The following ESRRB variants were observed in gnomAD, a reference collection of about 807,000 sequenced individuals.
The protein encoded by ESRRB is steroid hormone receptor ERR2.
ESRRB carries 16 observed loss-of-function variants against 46.0 expected under a neutral mutation model. The ratio of observed to expected loss-of-function variants is 0.35; its 90% CI spans 0.24 to 0.53. The LOEUF is 0.53. ESRRB is among the 20% of genes least tolerant of loss of function. The pLI is 0.93. For missense variants in ESRRB, 488 were observed against 607.4 expected (o/e 0.80, Z 2.07); for synonymous variants, 246 against 259.6 (o/e 0.95, Z 0.50).
At chr14:76,443,412 G>T (rs1402879008) in intron 2 of ESRRB, among the ~76,000 whole-genome samples, 2 of 152,150 alleles carry the variant, frequency 1.3e-5, no homozygotes, top group Non-Finnish European at 2.9e-5. Flanking sequence ...TATTTGAAAA[G>T]CACTGCATGG....
chr14:76,354,698 G>A (rs931228294), intron 1 of ESRRB, among the ~76,000 whole-genome samples: 1 of 139,276 alleles, frequency 7.2e-6, no homozygotes, highest in Non-Finnish European at 1.5e-5. Context: ...GTGTAGGTAG[G>A]TCCTGGGCTT....
intron 1 of ESRRB, among the ~76,000 whole-genome samples, chr14:76,394,692 C>T (rs1043478508): frequency 6.6e-6 from 1 of 152,200 alleles, no homozygotes; most frequent in Non-Finnish European, 1.5e-5. Context: ...CTTGTGGATG[C>T]AAATTGTTTG....
At chr14:76,487,258 C>T (rs930473913) in intron 5 of ESRRB, among the ~76,000 whole-genome samples, 1 of 152,186 alleles carries the variant, frequency 6.6e-6, no homozygotes, top group African/African-American at 2.4e-5. Flanking sequence ...TGAACAACCC[C>T]ATGAGGTGAG....
chr14:76,325,238 G>A (rs1269989042), intron 1 of ESRRB, among the ~76,000 whole-genome samples: 2 of 152,160 alleles, frequency 1.3e-5, no homozygotes, highest in African/African-American at 2.4e-5. Context: ...TTACAGGCGT[G>A]AGCCACTGCA....
intron 3 of ESRRB, among the ~76,000 whole-genome samples, chr14:76,479,558 T>C (rs1889724527): frequency 6.6e-6 from 1 of 151,560 alleles, no homozygotes; most frequent in African/African-American, 2.4e-5. Flanking sequence ...GTTCAAAGAG[T>C]ACATTTAGAA....
rs1235318053 is a variant in ESRRB at position 76,420,129 on chromosome 14, G to A, written c.51-19212G>A. On this transcript the variant is annotated intron_variant, in intron 1 of 6. Transcript: ENST00000644823. ...TTCATTTTTAACCCTTGAGTTACCT[G>A]TGAAACCAGCATGAGCAAATGAGCA... 2.6e-5 allele frequency among the ~76,000 whole-genome samples: 4 copies of A among 152,130 alleles called. No homozygotes were observed. In the East Asian group the frequency reaches 7.7e-4, roughly 29 times the overall value.
intron 3 of ESRRB, among the ~76,000 whole-genome samples, chr14:76,476,955 G>A (rs998251975): frequency 6.6e-6 from 1 of 152,194 alleles, no homozygotes; most frequent in Non-Finnish European, 1.5e-5. Flanking sequence ...CCATTGCCGT[G>A]GTGGCACGCA....
intron 1 of ESRRB, among the ~76,000 whole-genome samples, chr14:76,320,702 G>A (rs1234286466): frequency 6.6e-6 from 1 of 152,210 alleles, no homozygotes; most frequent in Non-Finnish European, 1.5e-5. Flanking sequence ...GGTGCTTAGC[G>A]GTTTTGGTTT....
chr14:76,384,659 G>A (rs139573371), intron 1 of ESRRB, among the ~76,000 whole-genome samples: 6 of 152,248 alleles, frequency 3.9e-5, no homozygotes, highest in South Asian at 2.1e-4. Flanking sequence ...TCTATGCCCC[G>A]TGCCATGCTC....
chr14:76,413,507 G>T (rs1886529048), intron 1 of ESRRB, among the ~76,000 whole-genome samples: 1 of 152,080 alleles, frequency 6.6e-6, no homozygotes, highest in Non-Finnish European at 1.5e-5. Context: ...CAAGACGTAG[G>T]CTAAACTTCT....
intron 1 of ESRRB, among the ~76,000 whole-genome samples, chr14:76,422,506 C>T (rs1035528475): frequency 6.6e-5 from 10 of 152,116 alleles, no homozygotes; most frequent in African/African-American, 9.7e-5. Flanking sequence ...CCACCACACC[C>T]GGCCGACATT....
chr14:76,498,977 G>T lies in ESRRB; in HGVS notation c.*519G>T, dbSNP rs115169766. On this transcript the variant is annotated 3_prime_UTR_variant, in exon 7 of 7. Transcript: ENST00000644823. The stretch of plus-strand genomic sequence containing the variant: ...ACCTGCTCTGAGATCCTCTGGGGCC[G>T]GTCAAGAGGCCCCATACCTTCCACA... 3 of 411,070 alleles carry T rather than the reference G, an allele frequency of 7.3e-6. No individual in the cohort carries two copies. Among genetic ancestry groups the T allele is most frequent in the Non-Finnish European group, 1.5e-5 (3 of 196,922 alleles). The allele number at this position is 411,070 out of a possible 1,614,324, so 25.5% of individuals were successfully genotyped here. A position where few individuals can be genotyped will look rare whatever the true frequency, so the allele number is the denominator to read the frequency against.
intron 3 of ESRRB, among the ~76,000 whole-genome samples, chr14:76,479,333 GA>G (rs1243139141): frequency 2.6e-5 from 4 of 152,204 alleles, no homozygotes; most frequent in African/African-American, 7.2e-5. Flanking sequence ...AGGCAGGCAA[GA>G]AGCGCCAAAG....
At chr14:76,358,323 A>AAAAAAAAG (rs1884410928) in intron 1 of ESRRB, among the ~76,000 whole-genome samples, 2 of 53,102 alleles carry the variant, frequency 3.8e-5, no homozygotes, top group Non-Finnish European at 7.4e-5. Context: ...AAAAAAAAAA[A>AAAAAAAAG]AAAGAAAGAA....
chr14:76,450,749 G>C (rs1033374017), intron 2 of ESRRB, among the ~76,000 whole-genome samples: 1 of 152,126 alleles, frequency 6.6e-6, no homozygotes, highest in Non-Finnish European at 1.5e-5. Flanking sequence ...ATCCCGGGAG[G>C]CACAAGACAG....
Position 76,498,629 on chromosome 14 carries a change from G to A in ESRRB, c.*171G>A, listed in dbSNP as rs1376538020. The A allele has an allele frequency of 1.4e-6, 2 of 1,381,424 alleles. No individual in the cohort carries two copies. Among genetic ancestry groups the A allele is most frequent in the Non-Finnish European group, 1.9e-6 (2 of 1,032,792 alleles). The allele number at this position is 1,381,424 out of a possible 1,614,324, so 85.6% of individuals were successfully genotyped here. A position where few individuals can be genotyped will look rare whatever the true frequency, so the allele number is the denominator to read the frequency against. On this transcript the variant is annotated 3_prime_UTR_variant, in exon 7 of 7. Coordinates refer to ENST00000644823, the MANE Select transcript of ESRRB (RefSeq NM_001379180.1). The stretch of plus-strand genomic sequence containing the variant: ...CTGTGTGCAGACTCCCGGGTGCAGT[G>A]GGGTGGGGGACGGGGATGGGGGGGC...
intron 3 of ESRRB, among the ~76,000 whole-genome samples, chr14:76,466,199 G>A (rs73320319): frequency 0.018 from 2,809 of 152,156 alleles, 62 homozygotes; most frequent in African/African-American, 0.057. Flanking sequence ...GGGTCCAGGG[G>A]CTTGGGGAGG....
chr14:76,455,719 G>C (rs1024261443), intron 2 of ESRRB, among the ~76,000 whole-genome samples: 1 of 152,122 alleles, frequency 6.6e-6, no homozygotes, highest in Admixed American at 6.6e-5. Context: ...TTAGATTCAT[G>C]TCTTGGCTTG....
At chr14:76,405,582 C>A (rs1723881791) in intron 1 of ESRRB, among the ~76,000 whole-genome samples, 1 of 152,022 alleles carries the variant, frequency 6.6e-6, no homozygotes, top group South Asian at 2.1e-4. Flanking sequence ...GTTGGTGAGA[C>A]CTCAGGAAAA....
Sources: gnomAD v4.1 joint callset for allele counts (sites outside exome capture counted in the v4.1 genomes callset) on GRCh38, gnomAD v4.1.1 for gene constraint, MANE v1.5 for transcripts, NCBI Gene and HGNC (gene_info 2026-07-23, HGNC 2026-07-21) for gene names.